Variants in APP observed in about 807,000 individuals in gnomAD.
APP encodes the protein amyloid beta precursor protein.
A neutral mutation model predicts 101.4 loss-of-function variants in APP; 31 were observed. The ratio of observed to expected loss-of-function variants is 0.31; its 90% CI spans 0.23 to 0.41. APP has a LOEUF of 0.41. APP is among the 10% of genes least tolerant of loss of function. The pLI is 1.00. For synonymous variants in APP, 366 were observed against 364.4 expected, an observed-to-expected ratio of 1.00 and a Z score of -0.05; for missense variants, 839 against 1,003.7, an observed-to-expected ratio of 0.84 and a Z score of 2.22.
In APP at chr21:25,975,169, C is replaced by G. The variant is rs943048767; in HGVS notation, c.1359G>C (p.Leu453=). ...CCACTCTGGCCATGTGTGTCTCCAC[C>G]AGCTGCTGTCTCTCGTTGGCTGCTT... ...EQEAANERQQ[L]VETHMARVEA... The change falls in exon 11 of 18, where the codon CTG becomes CTC. Residue 453 remains leucine, a synonymous_variant. Transcript: ENST00000346798. 6.2e-7 allele frequency: 1 copy of G among 1,614,170 alleles called. No homozygotes were observed. Among genetic ancestry groups the G allele is most frequent in the Admixed American group, 1.7e-5 (1 of 60,020 alleles).
intron 3 of APP, among the ~76,000 whole-genome samples, chr21:26,084,867 A>T (rs996517041): frequency 6.6e-6 from 1 of 152,244 alleles, no homozygotes; most frequent in African/African-American, 2.4e-5. Context: ...TAAAGCTCAT[A>T]AAGTACAACT....
intron 1 of APP, among the ~76,000 whole-genome samples, chr21:26,166,927 G>GGGGTGT (rs375221809): frequency 2.0e-5 from 3 of 148,634 alleles, no homozygotes; most frequent in Non-Finnish European, 3.0e-5. Flanking sequence ...AGAGACAGAG[G>GGGGTGT]GTGTGTGTGT....
At chr21:26,081,329 G>A (rs749123380) in intron 3 of APP, among the ~76,000 whole-genome samples, 11 of 151,500 alleles carry the variant, frequency 7.3e-5, no homozygotes, top group African/African-American at 1.2e-4. Flanking sequence ...AAGGGAGATG[G>A]GGTAGGGCCA....
chr21:25,950,027 A>C (rs2040994756), intron 13 of APP, among the ~76,000 whole-genome samples: 1 of 152,212 alleles, frequency 6.6e-6, no homozygotes, highest in Non-Finnish European at 1.5e-5. Flanking sequence ...GTGAAATGCA[A>C]GAACAGCCCA....
intron 13 of APP, among the ~76,000 whole-genome samples, chr21:25,948,223 A>C (rs576420557): frequency 6.6e-6 from 1 of 151,212 alleles, no homozygotes; most frequent in South Asian, 2.1e-4. Flanking sequence ...TGAAATTCTC[A>C]ATAACATTAA....
At chr21:26,137,181 GC>G (rs1200983863) in intron 1 of APP, among the ~76,000 whole-genome samples, 1 of 152,182 alleles carries the variant, frequency 6.6e-6, no homozygotes, top group African/African-American at 2.4e-5. Flanking sequence ...GCCCACCTCG[GC>G]CTCCCAAAGT....
intron 14 of APP, among the ~76,000 whole-genome samples, chr21:25,909,546 T>C (rs1460458318): frequency 1.6e-5 from 1 of 64,450 alleles, no homozygotes; most frequent in Admixed American, 2.1e-4. Flanking sequence ...TTTGCTCAAA[T>C]GGACATCCTG....
At chr21:26,135,680 C>T (rs1358361721) in intron 1 of APP, among the ~76,000 whole-genome samples, 3 of 152,294 alleles carry the variant, frequency 2.0e-5, no homozygotes, top group Non-Finnish European at 4.4e-5. Context: ...CAAGCCCTAG[C>T]TGGAAAGTTA....
At chr21:25,998,148 CATG>C (rs1388593182) in intron 7 of APP, among the ~76,000 whole-genome samples, 1 of 152,120 alleles carries the variant, frequency 6.6e-6, no homozygotes, top group African/African-American at 2.4e-5. Context: ...AAAAACTATA[CATG>C]ATATTTCAGA....
At chr21:25,918,624 G>T (rs1225102358) in intron 13 of APP, among the ~76,000 whole-genome samples, 1 of 151,926 alleles carries the variant, frequency 6.6e-6, no homozygotes, top group Non-Finnish European at 1.5e-5. Context: ...GGTGACAGAC[G>T]CACCTGGAAA....
chr21:26,044,569 C>T (rs934087280), intron 5 of APP, among the ~76,000 whole-genome samples: 2 of 152,070 alleles, frequency 1.3e-5, no homozygotes, highest in African/African-American at 4.8e-5. Context: ...GGTGGAGTTT[C>T]GCTCTTATTG....
rs192765636 is a variant in APP at position 26,085,083 on chromosome 21, T to A, written c.355+4860A>T. On this transcript the variant is annotated intron_variant, in intron 3 of 17. Coordinates refer to ENST00000346798, the MANE Select transcript of APP (RefSeq NM_000484.4). The stretch of plus-strand genomic sequence containing the variant: ...TAAATAAAATCAAAATCACCTGTAA[T>A]CCCACTGTTGGGAGATAAACACTGA... Among the ~76,000 whole-genome samples, 9 of 152,364 alleles carry A rather than the reference T, an allele frequency of 5.9e-5. No individual in the cohort carries two copies. In the East Asian group the frequency reaches 1.7e-3, roughly 29 times the overall value.
chr21:26,162,900 A>G (rs2063520535), intron 1 of APP, among the ~76,000 whole-genome samples: 1 of 118,900 alleles, frequency 8.4e-6, no homozygotes, highest in African/African-American at 4.3e-5. Context: ...TCTCAAAAAA[A>G]GCATCAGGCA....
At chr21:26,051,332 A>G in intron 4 of APP, 139 bp from the exon 5 acceptor site, 1 of 949,804 alleles carries the variant, frequency 1.1e-6, no homozygotes, top group Admixed American at 2.1e-5. Flanking sequence ...TTGCTTTTTG[A>G]GTGAATTTAC....
intron 11 of APP, among the ~76,000 whole-genome samples, chr21:25,961,010 A>G (rs1568765501): frequency 6.6e-6 from 1 of 152,212 alleles, no homozygotes; most frequent in Non-Finnish European, 1.5e-5. Flanking sequence ...GTTAAGAAAG[A>G]AAAAACACAG....
At chr21:25,884,865 G>C (rs1328587509) in intron 17 of APP, among the ~76,000 whole-genome samples, 2 of 152,214 alleles carry the variant, frequency 1.3e-5, no homozygotes, top group Non-Finnish European at 2.9e-5. Context: ...ATCAAGGGCA[G>C]GGGAACACCT....
At chr21:26,096,911 C>G (rs2061954280) in intron 2 of APP, among the ~76,000 whole-genome samples, 1 of 152,168 alleles carries the variant, frequency 6.6e-6, no homozygotes. Context: ...CTCAGAGAGA[C>G]AAGGGAAGAT....
chr21:26,140,106 CCCAAATACAGA>C (rs2063009582), intron 1 of APP: 1 of 1,347,496 alleles, frequency 7.4e-7, no homozygotes, highest in African/African-American at 1.4e-5. Context: ...TTTCATCTTA[CCCAAATACAGA>C]CTAAAAACAA....
intron 15 of APP, among the ~76,000 whole-genome samples, chr21:25,904,755 GAAAA>G (rs578096417): frequency 8.7e-5 from 12 of 138,314 alleles, no homozygotes; most frequent in East Asian, 6.3e-4. Context: ...AAAGAAAAAA[GAAAA>G]AAAAAAACCC....
Sources: allele counts gnomAD v4.1 joint callset (sites outside exome capture counted in the v4.1 genomes callset), GRCh38; gene constraint gnomAD v4.1.1; transcripts MANE v1.5; gene names NCBI Gene and HGNC (gene_info 2026-07-23, HGNC 2026-07-21).